The following AP1S2 variants were observed in gnomAD, a reference collection of about 807,000 sequenced individuals.
AP1S2 encodes adaptor related protein complex 1 subunit sigma 2.
AP1S2 carries 1 observed loss-of-function variant against 14.3 expected under a neutral mutation model. The observed-to-expected ratio is 0.07, with a 90% CI of 0.02 to 0.33. The LOEUF (loss-of-function observed/expected upper bound fraction) is 0.33, where lower values mean the gene tolerates loss of function less well. Ranked by LOEUF, AP1S2 falls within the 10% of genes least tolerant of loss-of-function variation. The pLI, the probability that AP1S2 is intolerant of heterozygous loss-of-function variation, is 0.99. For missense variants in AP1S2, 30 were observed against 117.7 expected (o/e 0.25, Z 3.45); for synonymous variants, 30 against 40.5 (o/e 0.74, Z 0.99).
intron 2 of AP1S2, among the ~76,000 whole-genome samples, chrX:15,849,993 A>G (rs1463376296): frequency 8.9e-6 from 1 of 111,845 alleles, no homozygotes; most frequent in Non-Finnish European, 1.9e-5. Context: ...GTTCTGGCAA[A>G]GGGCATTATA....
chrX:15,847,158 G>A (rs757280983), intron 2 of AP1S2, among the ~76,000 whole-genome samples: 171 of 111,712 alleles, frequency 1.5e-3, no homozygotes, highest in Non-Finnish European at 2.1e-3. Context: ...ACTGTATACA[G>A]AATAACACAA....
At chrX:15,829,041 A>T (rs1933347766) in intron 4 of AP1S2, among the ~76,000 whole-genome samples, 1 of 111,820 alleles carries the variant, frequency 8.9e-6, no homozygotes, top group African/African-American at 3.2e-5. Flanking sequence ...CAAGATGTCT[A>T]GGGCTTGCTC....
chrX:15,837,048 C>T (rs1462901504), intron 4 of AP1S2, among the ~76,000 whole-genome samples: 1 of 111,628 alleles, frequency 9.0e-6, no homozygotes, highest in Non-Finnish European at 1.9e-5. Context: ...TGGAAGTGTG[C>T]CACTGTGCCC....
chrX:15,850,518 A>ATTTT (rs11355576), intron 2 of AP1S2, among the ~76,000 whole-genome samples: 3 of 96,084 alleles, frequency 3.1e-5, no homozygotes, highest in African/African-American at 3.8e-5. Flanking sequence ...CGCCCAGCTA[A>ATTTT]TTTTTTTTTT....
chrX:15,843,011 C>G (rs754662452), intron 4 of AP1S2, among the ~76,000 whole-genome samples: 3 of 71,518 alleles, frequency 4.2e-5, no homozygotes, highest in African/African-American at 1.7e-4. Flanking sequence ...GGGTGATAAG[C>G]GAAACTCCAT....
intron 4 of AP1S2, among the ~76,000 whole-genome samples, chrX:15,837,502 T>G (rs1430463547): frequency 9.0e-6 from 1 of 110,853 alleles, no homozygotes; most frequent in Non-Finnish European, 1.9e-5. Context: ...TAGAGTGACA[T>G]CCTACAAGCC....
intron 4 of AP1S2, among the ~76,000 whole-genome samples, chrX:15,836,411 G>A (rs798178): frequency 0.31 from 34,406 of 111,285 alleles, 4,146 homozygotes; most frequent in South Asian, 0.41. Context: ...CATGTTTTCT[G>A]CCATCTTTTT....
intron 4 of AP1S2, among the ~76,000 whole-genome samples, chrX:15,844,147 C>G (rs971055428): frequency 8.9e-6 from 1 of 112,575 alleles, no homozygotes; most frequent in Non-Finnish European, 1.9e-5. Context: ...TTCAAGCAAT[C>G]CCCACAACTG....
intron 2 of AP1S2, among the ~76,000 whole-genome samples, chrX:15,846,341 T>C (rs986555890): frequency 4.5e-5 from 5 of 111,997 alleles, no homozygotes; most frequent in Non-Finnish European, 9.4e-5. Flanking sequence ...ACAAAATATA[T>C]AGCAGATTAA....
chrX:15,838,133 C>T (rs554435416), intron 4 of AP1S2, among the ~76,000 whole-genome samples: 4 of 111,517 alleles, frequency 3.6e-5, no homozygotes, highest in African/African-American at 9.8e-5. Flanking sequence ...GATAATTCCG[C>T]GTTCTAAGGG....
At chrX:15,830,435 A>G in intron 4 of AP1S2, 1 of 751,246 alleles carries the variant, frequency 1.3e-6, no homozygotes, top group African/African-American at 2.3e-5. Context: ...CCTAATACTA[A>G]GTTTGGTCAA....
Position 15,827,250 on chromosome X carries a change from C to T in AP1S2, c.*75G>A, listed in dbSNP as rs1461257765. 2.1e-6 allele frequency: 2 copies of T among 934,792 alleles called. No individual in the cohort carries two copies. The highest frequency in any genetic ancestry group is 2.2e-5 in the Admixed American group (1 of 45,334). The allele number at this position is 934,792 out of a possible 1,213,427, so 77.0% of individuals were successfully genotyped here. Reference sequence around the variant, plus strand: ...ACAAGACATCATCTTACACCATGAGCTAACATGGACATGAAGGGAGTGACC... The same window carrying T: ...ACAAGACATCATCTTACACCATGAGTTAACATGGACATGAAGGGAGTGACC... On this transcript the variant is annotated 3_prime_UTR_variant, in exon 6 of 6. Coordinates refer to ENST00000672987, the MANE Select transcript of AP1S2 (RefSeq NM_001272071.2).
intron 4 of AP1S2, among the ~76,000 whole-genome samples, chrX:15,839,975 T>C (rs759323753): frequency 1.9e-4 from 21 of 111,942 alleles, no homozygotes; most frequent in African/African-American, 6.8e-4. Flanking sequence ...GTCCCACAGA[T>C]TATTACTTTC....
chrX:15,843,155 T>A (rs1338754393), intron 4 of AP1S2, among the ~76,000 whole-genome samples: 1 of 112,140 alleles, frequency 8.9e-6, no homozygotes, highest in Non-Finnish European at 1.9e-5. Context: ...GGATCTGCAA[T>A]AATGTTCTTA....
intron 1 of AP1S2, 152 bp from the exon 2 acceptor site, chrX:15,852,676 G>T (rs1244080742): frequency 4.2e-5 from 28 of 670,311 alleles, no homozygotes; most frequent in Non-Finnish European, 5.6e-5. Flanking sequence ...AAAATAGCAA[G>T]AAATTCTTTT....
At chrX:15,829,284 C>G (rs775276736) in intron 4 of AP1S2, among the ~76,000 whole-genome samples, 115 of 112,102 alleles carry the variant, frequency 1.0e-3, no homozygotes, top group African/African-American at 3.6e-3. Context: ...ATTAAATACA[C>G]TGAGAATGAC....
chrX:15,827,913 C>T (rs889955380), intron 5 of AP1S2, among the ~76,000 whole-genome samples: 1 of 111,400 alleles, frequency 9.0e-6, no homozygotes, highest in African/African-American at 3.3e-5. Context: ...CACTAGAGGC[C>T]ACATATGCAA....
chrX:15,829,173 G>C (rs1198164911), intron 4 of AP1S2, among the ~76,000 whole-genome samples: 1 of 111,305 alleles, frequency 9.0e-6, no homozygotes, highest in Non-Finnish European at 1.9e-5. Flanking sequence ...CGTGAGTCTT[G>C]AAGTTTTCAT....
At chrX:15,842,535 C>T (rs1224696065) in intron 4 of AP1S2, among the ~76,000 whole-genome samples, 1 of 112,196 alleles carries the variant, frequency 8.9e-6, no homozygotes, top group Non-Finnish European at 1.9e-5. Flanking sequence ...TACTCAGTTT[C>T]GTTTGTGTAC....
Sources: allele counts gnomAD v4.1 joint callset (sites outside exome capture counted in the v4.1 genomes callset), GRCh38; gene constraint gnomAD v4.1.1; transcripts MANE v1.5; gene names NCBI Gene and HGNC (gene_info 2026-07-23, HGNC 2026-07-21).